NTM: variants seen among roughly 807,000 people sequenced by gnomAD.
NTM encodes IgLON family member 2.
NTM carries 13 observed loss-of-function variants against 42.1 expected under a neutral mutation model. That is an observed-to-expected ratio of 0.31 (90% confidence interval 0.20 to 0.49). NTM has a LOEUF of 0.49. Among genes scored for constraint, NTM ranks in the 20% least tolerant of loss-of-function variants. The probability of loss-of-function intolerance (pLI) is 0.99; values close to 1 mark genes in which losing one functional copy is unlikely to be tolerated. For missense variants in NTM, 373 were observed against 452.8 expected (o/e 0.82, Z 1.60); for synonymous variants, 187 against 179.2 (o/e 1.04, Z -0.35).
At chr11:131,918,404 T>C (rs1396505224) in intron 2 of NTM, among the ~76,000 whole-genome samples, 1 of 152,236 alleles carries the variant, frequency 6.6e-6, no homozygotes, top group Non-Finnish European at 1.5e-5. Flanking sequence ...GTGGGACAGC[T>C]GTTTGCTGTG....
intron 7 of NTM, among the ~76,000 whole-genome samples, chr11:132,316,958 T>C (rs2095444587): frequency 6.6e-6 from 1 of 152,214 alleles, no homozygotes; most frequent in African/African-American, 2.4e-5. Flanking sequence ...TATACAAACT[T>C]CTTGATGAAG....
chr11:131,553,305 T>C (rs2054957803), intron 1 of NTM, among the ~76,000 whole-genome samples: 2 of 152,166 alleles, frequency 1.3e-5, no homozygotes, highest in African/African-American at 4.8e-5. Context: ...ATGTAGTGTA[T>C]ATTCTACCGG....
intron 1 of NTM, among the ~76,000 whole-genome samples, chr11:131,729,383 G>A (rs1029305341): frequency 3.3e-5 from 5 of 152,180 alleles, no homozygotes; most frequent in Admixed American, 6.5e-5. Flanking sequence ...AACAAGAGTT[G>A]TTCTGTGAAA....
At chr11:131,959,692 ACT>A (rs1488255246) in intron 2 of NTM, among the ~76,000 whole-genome samples, 1 of 152,144 alleles carries the variant, frequency 6.6e-6, no homozygotes, top group Non-Finnish European at 1.5e-5. Context: ...CTCATCAACC[ACT>A]CTGACTGATC....
intron 4 of NTM, among the ~76,000 whole-genome samples, chr11:132,279,367 G>C (rs574224250): frequency 3.7e-4 from 57 of 152,210 alleles, no homozygotes; most frequent in South Asian, 6.2e-4. Flanking sequence ...TCTGCTGCTA[G>C]AGGGCACTGT....
chr11:132,023,796 T>G (rs538309618), intron 2 of NTM, among the ~76,000 whole-genome samples: 31 of 111,950 alleles, frequency 2.8e-4, no homozygotes, highest in African/African-American at 9.0e-4. Context: ...GGTTTTGTTG[T>G]TGGTGGTGGT....
At chr11:132,269,008 C>A (rs2093353147) in intron 4 of NTM, among the ~76,000 whole-genome samples, 1 of 151,902 alleles carries the variant, frequency 6.6e-6, no homozygotes, top group African/African-American at 2.4e-5. Flanking sequence ...ATGCCTTTAT[C>A]CCCTGCATTC....
chr11:131,810,660 G>A (rs1414545678), intron 1 of NTM, among the ~76,000 whole-genome samples: 1 of 152,204 alleles, frequency 6.6e-6, no homozygotes. Flanking sequence ...ATTCCGACAT[G>A]TGAACATGAT....
At chr11:131,381,816 A>C (rs1942715340) in intron 1 of NTM, among the ~76,000 whole-genome samples, 1 of 152,182 alleles carries the variant, frequency 6.6e-6, no homozygotes, top group Admixed American at 6.5e-5. Context: ...GGAGATTGTT[A>C]TAAAGCAGAT....
At chr11:131,807,611 A>ATGCCC (rs1565576804) in intron 1 of NTM, among the ~76,000 whole-genome samples, 1 of 152,158 alleles carries the variant, frequency 6.6e-6, no homozygotes, top group Non-Finnish European at 1.5e-5. Flanking sequence ...GCTAAAAGGG[A>ATGCCC]TGCCCGTCTC....
chr11:132,221,934 A>T (rs1181382616), intron 4 of NTM, among the ~76,000 whole-genome samples: 5 of 152,256 alleles, frequency 3.3e-5, no homozygotes, highest in African/African-American at 1.2e-4. Context: ...TGTCTAGCCC[A>T]CTGCTTCATC....
intron 2 of NTM, among the ~76,000 whole-genome samples, chr11:131,956,282 G>A (rs2061547733): frequency 1.3e-5 from 2 of 152,306 alleles, no homozygotes; most frequent in East Asian, 1.9e-4. Flanking sequence ...CCACATGTGA[G>A]TCAGAATGTG....
intron 2 of NTM, among the ~76,000 whole-genome samples, chr11:132,085,367 A>G (rs1440287677): frequency 7.2e-5 from 11 of 152,208 alleles, no homozygotes; most frequent in Non-Finnish European, 1.3e-4. Context: ...TCCTTCTTGC[A>G]TGGTGAAGGG....
rs1591804728 is a variant in NTM, at chr11:131,783,121, T to C, written c.83-128443T>C. ...AGAAACACAAATATTAATAGGTGAA[T>C]TTAACAAGGGTTTATGATTACAATA... On this transcript the variant is annotated intron_variant, in intron 1 of 8. Transcript: ENST00000683400. 2.0e-5 allele frequency among the ~76,000 whole-genome samples: 3 copies of C among 152,232 alleles called. No individual in the cohort carries two copies. In the East Asian group the frequency reaches 5.8e-4, roughly 29 times the overall value.
intron 2 of NTM, among the ~76,000 whole-genome samples, chr11:132,138,655 C>T (rs1351342430): frequency 6.6e-6 from 1 of 150,616 alleles, no homozygotes; most frequent in Non-Finnish European, 1.5e-5. Context: ...AGAATTGGCT[C>T]ATGTCTGTAG....
chr11:131,869,997 T>C (rs963301441), intron 1 of NTM, among the ~76,000 whole-genome samples: 1 of 152,248 alleles, frequency 6.6e-6, no homozygotes, highest in Non-Finnish European at 1.5e-5. Flanking sequence ...GAGCAGACGC[T>C]AATTTTACAA....
intron 2 of NTM, among the ~76,000 whole-genome samples, chr11:131,936,750 C>G (rs574809203): frequency 6.6e-6 from 1 of 152,290 alleles, no homozygotes; most frequent in Admixed American, 6.5e-5. Flanking sequence ...AAAATTCTCA[C>G]TATGATACGT....
chr11:131,985,425 T>C (rs1041550406), intron 2 of NTM, among the ~76,000 whole-genome samples: 1 of 152,212 alleles, frequency 6.6e-6, no homozygotes, highest in African/African-American at 2.4e-5. Flanking sequence ...TTAGTTGTTA[T>C]AACAAATAAA....
At chr11:131,467,370 G>A (rs149409585) in intron 1 of NTM, among the ~76,000 whole-genome samples, 2 of 152,290 alleles carry the variant, frequency 1.3e-5, no homozygotes, top group African/African-American at 2.4e-5. Context: ...GGTCAGGAGG[G>A]AGCCCACCTC....
Sources: gnomAD v4.1 joint callset for allele counts (sites outside exome capture counted in the v4.1 genomes callset) on GRCh38, gnomAD v4.1.1 for gene constraint, MANE v1.5 for transcripts, NCBI Gene and HGNC (gene_info 2026-07-23, HGNC 2026-07-21) for gene names.